MYLK3: variants seen among roughly 807,000 people sequenced by gnomAD.
MYLK3 encodes the protein MLC kinase.
In MYLK3, 55 loss-of-function variants were observed where a neutral mutation model predicts 76.3. That is an observed-to-expected ratio of 0.72 (90% confidence interval 0.58 to 0.90). MYLK3 has a LOEUF of 0.90. Among genes scored for constraint, MYLK3 ranks in the 40% least tolerant of loss-of-function variants. The probability of loss-of-function intolerance (pLI) is 0.00; values close to 1 mark genes in which losing one functional copy is unlikely to be tolerated. For missense variants in MYLK3, 973 were observed against 1,053.6 expected (o/e 0.92, Z 1.06); for synonymous variants, 416 against 425.4 (o/e 0.98, Z 0.27).
chr16:46,709,766 A>C (rs2143012408), intron 11 of MYLK3, 95 bp from the exon 12 acceptor site: 3 of 1,354,650 alleles, frequency 2.2e-6, no homozygotes, highest in Non-Finnish European at 2.0e-6. Context: ...AGTCAGTGGA[A>C]CAGATTAATC....
intron 1 of MYLK3, chr16:46,757,319 A>T: frequency 1.0e-6 from 1 of 955,532 alleles, no homozygotes; most frequent in Non-Finnish European, 1.2e-6. Context: ...AAGAGAACCC[A>T]GGACCGGGGA....
At chr16:46,708,822 G>C (rs1346249072) in intron 12 of MYLK3, among the ~76,000 whole-genome samples, 1 of 152,126 alleles carries the variant, frequency 6.6e-6, no homozygotes, top group Admixed American at 6.5e-5. Flanking sequence ...GAATTCTGTT[G>C]TAAACAAAAT....
At chr16:46,735,341 G>A (rs1966863470) in intron 3 of MYLK3, among the ~76,000 whole-genome samples, 1 of 152,006 alleles carries the variant, frequency 6.6e-6, no homozygotes, top group South Asian at 2.1e-4. Context: ...GAGTAGCTGG[G>A]ATTACAGGCA....
intron 3 of MYLK3, among the ~76,000 whole-genome samples, chr16:46,736,450 C>T (rs1332091566): frequency 6.6e-6 from 1 of 152,238 alleles, no homozygotes; most frequent in African/African-American, 2.4e-5. Context: ...TGCAGGTCTG[C>T]TGGGCCTGAA....
In MYLK3 at chr16:46,705,823, C is replaced by A. The variant is rs1475426247; in HGVS notation, c.*1881G>T. ...GCAACATGGCAAAACCCTATCTCCA[C>A]TAAAAATACAAAAATTAGCTGGGTG... On this transcript the variant is annotated 3_prime_UTR_variant, in exon 13 of 13. Transcript: ENST00000394809. 7 of 152,006 alleles carry A rather than the reference C, an allele frequency of 4.6e-5. No homozygotes were observed. Among genetic ancestry groups the A allele is most frequent in the Non-Finnish European group, 1.0e-4 (7 of 68,036 alleles). The allele number at this position is 152,006 out of a possible 1,614,324, so 9.4% of individuals were successfully genotyped here.
chr16:46,704,506 T>C lies in MYLK3; in HGVS notation c.*3198A>G, dbSNP rs698416. The C allele has an allele frequency of 0.8, 121,235 of 151,966 alleles. 49,126 individuals carry two copies. Among genetic ancestry groups the C allele is most frequent in the East Asian group, 1 (5,158 of 5,182 alleles). 9.4% of individuals were successfully genotyped at this position (151,966 alleles called of 1,614,324 possible). A position where few individuals can be genotyped will look rare whatever the true frequency, so the allele number is the denominator to read the frequency against. ...TGTTGCCCAGGCTGGAGTTCAATGG[T>C]GTGATCTTGGCTCACTGCAACCTCC... On this transcript the variant is annotated 3_prime_UTR_variant, in exon 13 of 13. Coordinates refer to ENST00000394809, the MANE Select transcript of MYLK3 (RefSeq NM_182493.3).
At chr16:46,753,067 A>C, upstream of MYLK3, among the ~76,000 whole-genome samples, 1 of 152,170 alleles carries the variant, frequency 6.6e-6, no homozygotes, top group East Asian at 1.9e-4. Flanking sequence ...TCTAGGAGAT[A>C]GAAAACTGGT....
At chr16:46,752,570 A>G (rs565664459), upstream of MYLK3, among the ~76,000 whole-genome samples, 21 of 152,304 alleles carry the variant, frequency 1.4e-4, no homozygotes, top group South Asian at 3.1e-3. Context: ...GGGTCTTTCA[A>G]TAACTTTCCA....
chr16:46,719,722 C>T (rs918545381), intron 9 of MYLK3, among the ~76,000 whole-genome samples: 4 of 152,182 alleles, frequency 2.6e-5, no homozygotes, highest in African/African-American at 9.7e-5. Context: ...GCATCTGTCA[C>T]CACCCCTGCC....
chr16:46,709,598 T>G lies in MYLK3; in HGVS notation c.2341A>C (p.Lys781Gln). ...AGTAGTTGGGATTTGAGACGAGTTTTGGATCTTGAAGCTTTGGCAGGCAAA... is the reference window on the plus strand; with the variant it reads ...AGTAGTTGGGATTTGAGACGAGTTTGGGATCTTGAAGCTTTGGCAGGCAAA... Reference protein sequence around the residue: ...NNLPAKASRSKTRLKSQLLLQ... With the variant: ...NNLPAKASRSQTRLKSQLLLQ... Residue 781 changes from lysine to glutamine, a missense_variant, in exon 12 of 13, where the codon AAA becomes CAA. Around this residue, in one of 2 missense-constraint regions of MYLK3, gnomAD observed 332 missense variants for 416.6 expected, o/e 0.80. Transcript: ENST00000394809. 1 of 1,614,238 alleles carries G rather than the reference T, an allele frequency of 6.2e-7. No homozygotes were observed. The highest frequency in any genetic ancestry group is 2.2e-5 in the East Asian group (1 of 44,882).
chr16:46,730,536 G>A (rs910964046), intron 5 of MYLK3, 57 bp downstream of exon 5: 39 of 1,470,074 alleles, frequency 2.7e-5, no homozygotes, highest in Non-Finnish European at 3.4e-5. Flanking sequence ...AGGTGGTCCC[G>A]ACCCTGCCCC....
In MYLK3 at chr16:46,707,743, A is replaced by AT; in HGVS notation, c.2420_2421insA (p.Ala808CysfsTer35). 1.2e-6 allele frequency: 2 copies of AT among 1,613,194 alleles called. No individual in the cohort carries two copies. Among genetic ancestry groups the AT allele is most frequent in the Non-Finnish European group, 1.7e-6 (2 of 1,179,170 alleles). ...GAAATTTCCTTAACCTGTTGGCAGC[A>AT]GTCACCACATAGAAATGTTTCTTGA... On this transcript the variant is annotated frameshift_variant, in exon 13 of 13. Coordinates refer to ENST00000394809, the MANE Select transcript of MYLK3 (RefSeq NM_182493.3). LOFTEE classifies it high-confidence loss of function.
chr16:46,750,643 A>G (rs1967111231), upstream of MYLK3, among the ~76,000 whole-genome samples: 1 of 150,866 alleles, frequency 6.6e-6, no homozygotes. Context: ...GCAGTGAGCC[A>G]AGATTGCGCC....
At chr16:46,737,412 T>C (rs994131547) in intron 3 of MYLK3, among the ~76,000 whole-genome samples, 1 of 152,156 alleles carries the variant, frequency 6.6e-6, no homozygotes, top group Non-Finnish European at 1.5e-5. Context: ...TGTTCCCCAT[T>C]AGGACCACCT....
At position 46,709,690 on chromosome 16, in the gene MYLK3, G is replaced by A. The variant is rs1284022889; in HGVS notation, c.2268-19C>T. The A allele has an allele frequency of 3.1e-6, 5 of 1,604,330 alleles. 1 individual carries two copies. The South Asian group carries it at 4.5e-5, about 14-fold the overall frequency. ...TCTGCAGCTGTGAAATCAAAGAGCA[G>A]TTAAGACTTTTAGTTGGAGTTGCCT... On this transcript the variant is annotated intron_variant, in intron 11 of 12. Transcript: ENST00000394809.
At chr16:46,733,711 CT>C (rs1416092816) in intron 3 of MYLK3, among the ~76,000 whole-genome samples, 1 of 152,116 alleles carries the variant, frequency 6.6e-6, no homozygotes. Flanking sequence ...GGTGGGGCTT[CT>C]TTTTGCTGGG....
intron 1 of MYLK3, among the ~76,000 whole-genome samples, chr16:46,753,632 G>A (rs1045306377): frequency 1.1e-4 from 16 of 152,306 alleles, no homozygotes; most frequent in South Asian, 2.1e-4. Flanking sequence ...GTCATTTTGC[G>A]GGGTGAGGTG....
At position 46,747,714 on chromosome 16, in the gene MYLK3, A is replaced by G; in HGVS notation, c.477+3T>C. 1 of 1,609,550 alleles carries G rather than the reference A, an allele frequency of 6.2e-7. No homozygotes were observed. The highest frequency in any genetic ancestry group is 2.2e-5 in the East Asian group (1 of 44,776). On this transcript the variant is annotated splice_donor_region_variant and intron_variant, in intron 1 of 12. Coordinates refer to ENST00000394809, the MANE Select transcript of MYLK3 (RefSeq NM_182493.3). ...CAGCCAGGGCAGGGAAGCAGGAACC[A>G]ACCTCCTCAGGGCTGTCACCTGGGC...
Position 46,729,652 on chromosome 16 carries a change from T to C in MYLK3, c.1604A>G (p.Lys535Arg), listed in dbSNP as rs752274045. 6.2e-7 allele frequency: 1 copy of C among 1,613,720 alleles called. No homozygotes were observed. Residue 535 changes from lysine to arginine, a missense_variant, in exon 6 of 13, where the codon AAG (lysine) becomes AGG (arginine). By Grantham distance (26) the Lys-to-Arg change is conservative (BLOSUM62 2). Around this residue, in one of 2 missense-constraint regions of MYLK3, gnomAD observed 332 missense variants for 416.6 expected, o/e 0.80. Coordinates refer to ENST00000394809, the MANE Select transcript of MYLK3 (RefSeq NM_182493.3). ...RFGQVHRCTE[K>R]STGLPLAAKI... ...GGCAGCCAGTGGGAGGCCTGTGGAC[T>C]TCTCTGTGCACCTGTGGACCTGGCC...
Sources: gnomAD v4.1 joint callset for allele counts (sites outside exome capture counted in the v4.1 genomes callset) on GRCh38, gnomAD v4.1.1 for gene constraint, gnomAD v4.1.1 regional missense constraint, MANE v1.5 for transcripts, NCBI Gene and HGNC (gene_info 2026-07-23, HGNC 2026-07-21) for gene names.